Variants in SPECC1L observed in about 807,000 individuals in gnomAD.
The protein encoded by SPECC1L is cytospin-A.
SPECC1L carries 40 observed loss-of-function variants against 116.8 expected under a neutral mutation model. The ratio of observed to expected loss-of-function variants is 0.34; its 90% CI spans 0.27 to 0.45. SPECC1L has a LOEUF of 0.45. SPECC1L is among the 20% of genes least tolerant of loss of function. SPECC1L has a pLI of 1.00. For synonymous variants in SPECC1L, 504 were observed against 500.6 expected (o/e 1.01, Z -0.09); for missense variants, 1,110 against 1,373.6 (o/e 0.81, Z 3.03).
At chr22:24,310,950 G>A (rs1032554219) in intron 3 of SPECC1L, among the ~76,000 whole-genome samples, 11 of 152,170 alleles carry the variant, frequency 7.2e-5, no homozygotes, top group Admixed American at 1.3e-4. Flanking sequence ...GATATGGTGT[G>A]AAATAGGTCT....
intron 14 of SPECC1L, among the ~76,000 whole-genome samples, chr22:24,411,208 AC>A (rs1294057969): frequency 1.4e-4 from 18 of 127,174 alleles, no homozygotes; most frequent in African/African-American, 4.6e-4. Context: ...ACCAAAAAAA[AC>A]AAAAAACAAA....
At chr22:24,333,242 A>G (rs78254370) in intron 8 of SPECC1L, among the ~76,000 whole-genome samples, 4,135 of 152,296 alleles carry the variant, frequency 0.027, 64 homozygotes, top group Middle Eastern at 0.045. Flanking sequence ...AAAAGAAAAG[A>G]AAGTTGTAAT....
At chr22:24,384,791 T>C (rs1445103489) in intron 14 of SPECC1L, among the ~76,000 whole-genome samples, 3 of 152,206 alleles carry the variant, frequency 2.0e-5, no homozygotes, top group African/African-American at 7.2e-5. Context: ...AAAAAGAGAA[T>C]GTAGGCCGGG....
At chr22:24,338,813 A>T (rs955957015) in intron 10 of SPECC1L, among the ~76,000 whole-genome samples, 2 of 152,158 alleles carry the variant, frequency 1.3e-5, no homozygotes, top group Non-Finnish European at 2.9e-5. Flanking sequence ...TATTTTTCAC[A>T]TGTGGTTACT....
intron 14 of SPECC1L, among the ~76,000 whole-genome samples, chr22:24,399,293 G>A (rs879930714): frequency 1.8e-4 from 28 of 152,216 alleles, no homozygotes; most frequent in African/African-American, 5.8e-4. Context: ...TTAAAGCGCC[G>A]GGCATGGTGG....
At chr22:24,387,011 C>A (rs1317529037) in intron 14 of SPECC1L, among the ~76,000 whole-genome samples, 1 of 152,030 alleles carries the variant, frequency 6.6e-6, no homozygotes, top group Non-Finnish European at 1.5e-5. Flanking sequence ...CTGATAACAC[C>A]AAGTGTTGGC....
At chr22:24,317,407 C>T (rs1455939950) in intron 4 of SPECC1L, among the ~76,000 whole-genome samples, 1 of 123,190 alleles carries the variant, frequency 8.1e-6, no homozygotes, top group Admixed American at 8.3e-5. Flanking sequence ...GCGCCCCTCA[C>T]CTCCCAGATG....
At chr22:24,330,470 TAGAGA>T in intron 8 of SPECC1L, 39 bp downstream of exon 8, 1 of 1,605,614 alleles carries the variant, frequency 6.2e-7, no homozygotes, top group Non-Finnish European at 8.5e-7. Flanking sequence ...TATGTTTCAG[TAGAGA>T]ACACTTAAAT....
At chr22:24,318,285 G>A (rs1224528238) in intron 4 of SPECC1L, among the ~76,000 whole-genome samples, 3 of 152,356 alleles carry the variant, frequency 2.0e-5, no homozygotes, top group African/African-American at 7.2e-5. Context: ...TCGGGAGGCC[G>A]AGGCTGGCAG....
intron 9 of SPECC1L, among the ~76,000 whole-genome samples, chr22:24,335,817 T>C (rs1402964493): frequency 6.6e-6 from 1 of 152,154 alleles, no homozygotes; most frequent in African/African-American, 2.4e-5. Context: ...ACAAGTATTA[T>C]GCATAAAGAT....
At chr22:24,401,914 G>A (rs2042482684) in intron 14 of SPECC1L, among the ~76,000 whole-genome samples, 1 of 152,046 alleles carries the variant, frequency 6.6e-6, no homozygotes, top group Admixed American at 6.5e-5. Context: ...GAGGATTGAG[G>A]GTCCGTATTA....
At chr22:24,381,085 A>G (rs2042054137) in intron 14 of SPECC1L, among the ~76,000 whole-genome samples, 1 of 152,188 alleles carries the variant, frequency 6.6e-6, no homozygotes. Context: ...ATAATACAAG[A>G]ATAACCAACT....
In SPECC1L at chr22:24,322,116, G is replaced by C; in HGVS notation, c.1136G>C (p.Arg379Pro). The C allele has an allele frequency of 6.2e-7, 1 of 1,614,042 alleles. No individual in the cohort carries two copies. ...SESEGIPSIE[R>P]SRKGSSGNAS... is the part of the protein sequence containing the mutation. ...TCGGAAGGCATCCCCAGCATAGAGC[G>C]CTCCCGGAAGGGGAGCAGCGGGAAT... Residue 379 changes from arginine (R) to proline (P), a missense_variant, in exon 5 of 17, where the codon CGC becomes CCC. Coordinates refer to ENST00000314328, the MANE Select transcript of SPECC1L (RefSeq NM_015330.6).
chr22:24,406,116 T>C (rs1187284666), intron 14 of SPECC1L, among the ~76,000 whole-genome samples: 1 of 152,176 alleles, frequency 6.6e-6, no homozygotes, highest in African/African-American at 2.4e-5. Flanking sequence ...GTAGGGATCA[T>C]AAGTTCCAGG....
At chr22:24,367,382 G>A (rs1160159393) in intron 13 of SPECC1L, among the ~76,000 whole-genome samples, 2 of 152,012 alleles carry the variant, frequency 1.3e-5, no homozygotes, top group Admixed American at 6.5e-5. Flanking sequence ...CTTTGAATGC[G>A]GCCCAACACA....
chr22:24,301,916 G>C (rs538459854), intron 2 of SPECC1L, among the ~76,000 whole-genome samples: 113 of 152,078 alleles, frequency 7.4e-4, no homozygotes, highest in South Asian at 4.8e-3. Flanking sequence ...CGTGGTGGTG[G>C]GTGCCTGTAG....
At chr22:24,392,426 T>A (rs2042290422) in intron 14 of SPECC1L, among the ~76,000 whole-genome samples, 1 of 152,246 alleles carries the variant, frequency 6.6e-6, no homozygotes, top group African/African-American at 2.4e-5. Context: ...AACATAAGGA[T>A]GTGGCCTCCA....
chr22:24,271,023 G>C (rs200048585), intron 1 of SPECC1L, 40 bp downstream of exon 1: 1 of 152,360 alleles, frequency 6.6e-6, no homozygotes, highest in African/African-American at 2.4e-5. Context: ...TTCGCTGGCG[G>C]GTTGGTTTAT....
chr22:24,326,769 C>T (rs1029671561), intron 6 of SPECC1L, among the ~76,000 whole-genome samples: 6 of 152,070 alleles, frequency 3.9e-5, no homozygotes, highest in Non-Finnish European at 8.8e-5. Flanking sequence ...TTCACAGGAC[C>T]TGACTTTGTT....
Sources: gnomAD v4.1 joint callset for allele counts (sites outside exome capture counted in the v4.1 genomes callset) on GRCh38, gnomAD v4.1.1 for gene constraint, MANE v1.5 for transcripts, NCBI Gene and HGNC (gene_info 2026-07-23, HGNC 2026-07-21) for gene names.